Variants in VSX1 observed in about 807,000 individuals in gnomAD.
VSX1 encodes visual system homeobox 1.
A neutral mutation model predicts 23.6 loss-of-function variants in VSX1; 23 were observed. That is an observed-to-expected ratio of 0.97 (90% CI 0.70 to 1.38). The LOEUF is 1.38. Among genes scored for constraint, VSX1 ranks in the 40% most tolerant of loss-of-function variants. The probability of loss-of-function intolerance (pLI) is 0.00; values close to 1 mark genes in which losing one functional copy is unlikely to be tolerated. For synonymous variants in VSX1, 247 were observed against 215.1 expected, an observed-to-expected ratio of 1.15 and a Z score of -1.30; for missense variants, 517 against 495.4, an observed-to-expected ratio of 1.04 and a Z score of -0.41.
At chr20:25,081,614 C>T in intron 1 of VSX1, 59 bp downstream of exon 1, 1 of 1,543,608 alleles carries the variant, frequency 6.5e-7, no homozygotes, top group South Asian at 1.2e-5. Context: ...GTCTGTGACC[C>T]CTGCGCGGCT....
intron 1 of VSX1, among the ~76,000 whole-genome samples, chr20:25,080,894 G>A (rs62217199): frequency 0.19 from 28,197 of 152,208 alleles, 2,973 homozygotes; most frequent in South Asian, 0.3. Flanking sequence ...CTCAGCTCTA[G>A]ATTCTACCAC....
downstream of VSX1, chr20:25,071,640 G>A (rs2089381326): frequency 3.5e-6 from 2 of 574,632 alleles, no homozygotes; most frequent in Admixed American, 4.3e-5. Flanking sequence ...GTTTCTGTAA[G>A]AGCAGCTTTC....
chr20:25,073,498 G>A (rs1320195693), downstream of VSX1, among the ~76,000 whole-genome samples: 1 of 152,092 alleles, frequency 6.6e-6, no homozygotes, highest in Non-Finnish European at 1.5e-5. Context: ...TTGTTGAAAG[G>A]GGCCAAATTA....
downstream of VSX1, chr20:25,071,625 G>A (rs563913021): frequency 9.1e-6 from 5 of 549,638 alleles, no homozygotes; most frequent in Non-Finnish European, 1.4e-5. Context: ...TTAATAAGGA[G>A]GGGAGTTTCT....
chr20:25,077,993 G>A (rs1268504190), intron 3 of VSX1, 128 bp from the exon 4 acceptor site: 26 of 1,294,858 alleles, frequency 2.0e-5, no homozygotes, highest in Non-Finnish European at 2.8e-5. Flanking sequence ...TATTTCTGAA[G>A]GAAATAGCTC....
At chr20:25,078,283 T>C (rs2089555336) in intron 3 of VSX1, among the ~76,000 whole-genome samples, 1 of 152,252 alleles carries the variant, frequency 6.6e-6, no homozygotes, top group Non-Finnish European at 1.5e-5. Flanking sequence ...GGGTTGCTGG[T>C]GATATTTCTC....
chr20:25,071,530 A>G (rs1052454926), downstream of VSX1: 8 of 457,450 alleles, frequency 1.7e-5, no homozygotes, highest in South Asian at 3.1e-5. Flanking sequence ...AGTCCAGAAA[A>G]GTCAGAACAA....
rs1425364033 is a variant in VSX1 at position 25,081,711 on chromosome 20, A to T, written c.386T>A (p.Leu129His). ...GCTGTCGCTGCGCTTCTGGCGGCCG[A>T]GCGCAGGCGGCGGACGGCTGGGAGC... The part of the protein sequence containing the change: ...PLAPSRPPPA[L>H]GRQKRSDSVS... Residue 129 changes from leucine (L) to histidine (H), a missense_variant, in exon 1 of 5, where the codon CTC becomes CAC. Coordinates refer to ENST00000376709, the MANE Select transcript of VSX1 (RefSeq NM_014588.6). 6.6e-7 allele frequency: 1 copy of T among 1,504,042 alleles called. No individual in the cohort carries two copies. The allele number at this position is 1,504,042 out of a possible 1,614,324, so 93.2% of individuals were successfully genotyped here.
At chr20:25,071,292 G>A (rs1180457832), downstream of VSX1, 4 of 454,034 alleles carry the variant, frequency 8.8e-6, no homozygotes, top group Non-Finnish European at 1.8e-5. Flanking sequence ...AGAGGAGAAG[G>A]GCAGCCAGCC....
At chr20:25,073,588 A>C (rs1044639932), downstream of VSX1, among the ~76,000 whole-genome samples, 1 of 152,218 alleles carries the variant, frequency 6.6e-6, no homozygotes, top group Non-Finnish European at 1.5e-5. Context: ...TAAACCAAAC[A>C]AGGAATTCTG....
chr20:25,077,939 G>A, intron 3 of VSX1, 74 bp from the exon 4 acceptor site: 1 of 1,499,836 alleles, frequency 6.7e-7, no homozygotes, highest in Non-Finnish European at 9.1e-7. Flanking sequence ...AGCGGAGGCG[G>A]CGTCCCAGGG....
chr20:25,070,882 C>G (rs1191342861), downstream of VSX1: 1 of 394,418 alleles, frequency 2.5e-6, no homozygotes, highest in Non-Finnish European at 4.9e-6. Flanking sequence ...TAAATATATG[C>G]AATTTTTGTC....
downstream of VSX1, among the ~76,000 whole-genome samples, chr20:25,073,726 C>A (rs1394817899): frequency 9.9e-5 from 15 of 152,174 alleles, no homozygotes; most frequent in Non-Finnish European, 1.5e-5. Flanking sequence ...TAGGTAATCT[C>A]CACTGTGATG....
chr20:25,081,606 C>A, intron 1 of VSX1, 67 bp downstream of exon 1: 1 of 1,545,948 alleles, frequency 6.5e-7, no homozygotes, highest in South Asian at 1.2e-5. Context: ...GGGCGATGGT[C>A]TGTGACCCCT....
chr20:25,077,810 C>T lies in VSX1; in HGVS notation c.683G>A (p.Gly228Asp), dbSNP rs1386693606. 5 of 1,551,458 alleles carry T rather than the reference C, an allele frequency of 3.2e-6. No homozygotes were observed. The highest frequency in any genetic ancestry group is 3.5e-6 in the Non-Finnish European group (4 of 1,147,124). Residue 228 changes from glycine (G) to aspartate (D), a missense_variant, in exon 4 of 5, where the codon GGC becomes GAC. By Grantham distance (94) the Gly-to-Asp change is moderately conservative (BLOSUM62 -1). Coordinates refer to ENST00000376709, the MANE Select transcript of VSX1 (RefSeq NM_014588.6). ...CCCGTACTCGGCCATCACGCTGCTG[C>T]CGCCCCAGCGCTTCTCCCGCTTGCG... ...KWRKREKRWGGSSVMAEYGLY... is the reference protein window; with the variant it reads ...KWRKREKRWGDSSVMAEYGLY...
chr20:25,078,544 T>C (rs2089559836), intron 3 of VSX1: 3 of 1,353,500 alleles, frequency 2.2e-6, no homozygotes, highest in African/African-American at 1.6e-5. Context: ...GGAGAGGTAG[T>C]CTCTTTTTTT....
chr20:25,071,894 G>A (rs2089386443), downstream of VSX1: 2 of 710,610 alleles, frequency 2.8e-6, no homozygotes, highest in Non-Finnish European at 5.2e-6. Flanking sequence ...TTCTCCAGAG[G>A]GGCAGACTTT....
Position 25,076,409 on chromosome 20 carries a change from G to T in VSX1, c.950C>A (p.Pro317His), listed in dbSNP as rs767363883. Residue 317 changes from proline to histidine, a missense_variant, in exon 5 of 5, where the codon CCT (proline) becomes CAT (histidine). Coordinates refer to ENST00000376709, the MANE Select transcript of VSX1 (RefSeq NM_014588.6). ...AGCCACATCTTCCAAGCCATTCTCAGGGCTCACTTTATCTGAGCCTCTCTG... is the reference window on the plus strand; with the variant it reads ...AGCCACATCTTCCAAGCCATTCTCATGGCTCACTTTATCTGAGCCTCTCTG... ...GSQRGSDKVS[P>H]ENGLEDVAID... The T allele has an allele frequency of 1.2e-6, 2 of 1,614,104 alleles. No homozygotes were observed. The highest frequency in any genetic ancestry group is 1.1e-5 in the South Asian group (1 of 91,076).
intron 3 of VSX1, 83 bp from the exon 4 acceptor site, chr20:25,077,948 G>T: frequency 6.8e-7 from 1 of 1,477,324 alleles, no homozygotes; most frequent in Non-Finnish European, 9.2e-7. Flanking sequence ...GGCGTCCCAG[G>T]GCTCGGATCT....
Sources: allele counts gnomAD v4.1 joint callset (sites outside exome capture counted in the v4.1 genomes callset), GRCh38; gene constraint gnomAD v4.1.1; transcripts MANE v1.5; gene names NCBI Gene and HGNC (gene_info 2026-07-23, HGNC 2026-07-21).